The following AGMO variants were observed in gnomAD, a reference collection of about 807,000 sequenced individuals.
The protein encoded by AGMO is glyceryl-ether monooxygenase.
A neutral mutation model predicts 60.2 loss-of-function variants in AGMO; 75 were observed. That is an observed-to-expected ratio of 1.25 (90% CI 1.03 to 1.51). The LOEUF (loss-of-function observed/expected upper bound fraction) is 1.51, where lower values mean the gene tolerates loss of function less well. AGMO is among the 40% of genes most tolerant of loss of function. AGMO has a pLI of 0.00. For synonymous variants in AGMO, 261 were observed against 177.1 expected, an observed-to-expected ratio of 1.47 and a Z score of -3.76; for missense variants, 763 against 525.5, an observed-to-expected ratio of 1.45 and a Z score of -4.42.
At chr7:15,438,265 T>C (rs1327257438) in intron 3 of AGMO, among the ~76,000 whole-genome samples, 1 of 151,700 alleles carries the variant, frequency 6.6e-6, no homozygotes, top group Non-Finnish European at 1.5e-5. Context: ...TTAGTAATAA[T>C]AATAAATATT....
At chr7:15,396,061 GTC>G (rs1027708186) in intron 5 of AGMO, 3 of 152,178 alleles carry the variant, frequency 2.0e-5, no homozygotes, top group South Asian at 2.1e-4. Context: ...AAGAGTTCTT[GTC>G]TCTCTCCCTG....
intron 12 of AGMO, among the ~76,000 whole-genome samples, chr7:15,258,866 G>A (rs1034037672): frequency 1.3e-5 from 2 of 152,096 alleles, no homozygotes; most frequent in Non-Finnish European, 2.9e-5. Context: ...TATTCCTTAG[G>A]GGAAGGAGGA....
At chr7:15,383,966 C>T (rs1364355462) in intron 10 of AGMO, among the ~76,000 whole-genome samples, 1 of 151,774 alleles carries the variant, frequency 6.6e-6, no homozygotes, top group African/African-American at 2.4e-5. Context: ...GACTGAGTCT[C>T]GCTCTGTCCC....
chr7:15,147,971 G>T, the AGMO span, among the ~76,000 whole-genome samples: 110 of 152,226 alleles, frequency 7.2e-4, no homozygotes, highest in Middle Eastern at 3.4e-3. Context: ...GTCAATTTTG[G>T]AATATTTTCC....
chr7:15,282,773 C>G (rs1030671919), intron 12 of AGMO, among the ~76,000 whole-genome samples: 1 of 152,018 alleles, frequency 6.6e-6, no homozygotes, highest in South Asian at 2.1e-4. Context: ...AAGGACATCA[C>G]CGAAGCATAT....
the AGMO span, among the ~76,000 whole-genome samples, chr7:15,154,470 T>C: frequency 7.2e-5 from 11 of 152,318 alleles, no homozygotes; most frequent in East Asian, 3.9e-4. Context: ...TCTTTCTCCA[T>C]CCATTTACTT....
intron 3 of AGMO, among the ~76,000 whole-genome samples, chr7:15,530,737 T>C (rs551767364): frequency 8.4e-5 from 12 of 142,254 alleles, no homozygotes; most frequent in African/African-American, 3.0e-4. Context: ...ATATTCTATA[T>C]ATACATTTCT....
intron 12 of AGMO, among the ~76,000 whole-genome samples, chr7:15,349,442 C>G (rs4551230): frequency 0.55 from 83,477 of 151,868 alleles, 24,320 homozygotes; most frequent in African/African-American, 0.76. Flanking sequence ...TGATTACATG[C>G]AGACACAGTT....
Position 15,250,607 on chromosome 7 carries a change from AT to A in AGMO, c.1264-49249del, listed in dbSNP as rs1247748037. Among the ~76,000 whole-genome samples, 5 of 152,018 alleles carry A rather than the reference AT, an allele frequency of 3.3e-5. No individual in the cohort carries two copies. The East Asian group carries it at 9.6e-4, about 29-fold the overall frequency. On this transcript the variant is annotated intron_variant, in intron 12 of 12. Transcript: ENST00000342526. ...CACTCTGGTTTATATCACTAAATTA[AT>A]TTGCAGATATAAATATGAAACTGAA...
rs183924039 is a variant in AGMO at position 15,376,352 on chromosome 7, G to C, written c.1074+9094C>G. ...ATTTGTGCAGGTGGCACTCTCTGCT[G>C]TAAGAGTCGACCAAAATATATTGAT... On this transcript the variant is annotated intron_variant, in intron 10 of 12. Coordinates refer to ENST00000342526, the MANE Select transcript of AGMO (RefSeq NM_001004320.2). 4.0e-5 allele frequency among the ~76,000 whole-genome samples: 6 copies of C among 151,014 alleles called. No homozygotes were observed. In the East Asian group the frequency reaches 9.7e-4, roughly 24 times the overall value.
At chr7:15,374,510 A>G (rs1003537897) in intron 10 of AGMO, among the ~76,000 whole-genome samples, 1 of 152,150 alleles carries the variant, frequency 6.6e-6, no homozygotes, top group Admixed American at 6.6e-5. Context: ...TGTAACAATT[A>G]TATTTGACAC....
Position 15,325,771 on chromosome 7 carries a change from A to C in AGMO, c.1263+39743T>G, listed in dbSNP as rs187903235. Among the ~76,000 whole-genome samples the C allele has an allele frequency of 7.9e-4, 121 of 152,272 alleles. 4 individuals are homozygous for C. In the South Asian group the frequency reaches 0.023, roughly 29 times the overall value. ...TCATCCAATTATTTTTGAACCCTGTATATTAATTTTTCATTAGGATTATCT... is the reference window on the plus strand; with the variant it reads ...TCATCCAATTATTTTTGAACCCTGTCTATTAATTTTTCATTAGGATTATCT... On this transcript the variant is annotated intron_variant, in intron 12 of 12. Transcript: ENST00000342526.
intron 12 of AGMO, among the ~76,000 whole-genome samples, chr7:15,320,641 A>AT (rs1563085069): frequency 6.6e-6 from 1 of 152,108 alleles, no homozygotes; most frequent in South Asian, 2.1e-4. Flanking sequence ...GAGAAGCTGA[A>AT]TTTTTTCATA....
chr7:15,286,125 T>G (rs79108482), intron 12 of AGMO, among the ~76,000 whole-genome samples: 2,516 of 152,000 alleles, frequency 0.017, 74 homozygotes, highest in African/African-American at 0.058. Context: ...AAACATTGTA[T>G]AAAATAGCCT....
At chr7:15,298,218 TA>T (rs1045386413) in intron 12 of AGMO, among the ~76,000 whole-genome samples, 1 of 152,298 alleles carries the variant, frequency 6.6e-6, no homozygotes, top group East Asian at 1.9e-4. Context: ...ATTAATGTGA[TA>T]AAAAATGCAG....
At chr7:15,437,476 C>A (rs1302127890) in intron 3 of AGMO, among the ~76,000 whole-genome samples, 2 of 151,616 alleles carry the variant, frequency 1.3e-5, no homozygotes, top group Non-Finnish European at 2.9e-5. Flanking sequence ...TTGTATATAT[C>A]CATATGTTCA....
At position 15,551,559 on chromosome 7, in the gene AGMO, C is replaced by T. The variant is rs1313054292; in HGVS notation, c.258-6636G>A. On this transcript the variant is annotated intron_variant, in intron 2 of 12. Coordinates refer to ENST00000342526, the MANE Select transcript of AGMO (RefSeq NM_001004320.2). Reference sequence around the variant, plus strand: ...AGAGAGCCAAATCATGAGTGAACTCCCATTCACAATTGCTTCAAAGAGAAT... The same window carrying T: ...AGAGAGCCAAATCATGAGTGAACTCTCATTCACAATTGCTTCAAAGAGAAT... 4.4e-3 allele frequency among the ~76,000 whole-genome samples: 662 copies of T among 150,900 alleles called. 4 individuals are homozygous for T. The highest frequency in any genetic ancestry group is 0.015 in the African/African-American group (622 of 40,918).
chr7:15,338,209 C>T (rs1459625564), intron 12 of AGMO, among the ~76,000 whole-genome samples: 1 of 152,062 alleles, frequency 6.6e-6, no homozygotes, highest in Non-Finnish European at 1.5e-5. Context: ...TTAAAATATA[C>T]AACTCAGTGG....
rs538622953 is a variant in AGMO, at chr7:15,358,959, T to C, written c.1263+6555A>G. Among the ~76,000 whole-genome samples, 145 of 152,308 alleles carry C rather than the reference T, an allele frequency of 9.5e-4. 1 individual carries two copies. Among genetic ancestry groups the C allele is most frequent in the African/African-American group, 3.3e-3 (138 of 41,566 alleles). On this transcript the variant is annotated intron_variant, in intron 12 of 12. Coordinates refer to ENST00000342526, the MANE Select transcript of AGMO (RefSeq NM_001004320.2). ...ATTAAGATAAATATCCCCATATTAC[T>C]GGATGATCCTATTCAATGCCATTTT...
Sources: allele counts gnomAD v4.1 joint callset (sites outside exome capture counted in the v4.1 genomes callset), GRCh38; gene constraint gnomAD v4.1.1; transcripts MANE v1.5; gene names NCBI Gene and HGNC (gene_info 2026-07-23, HGNC 2026-07-21).